The following CTXND2 variants were observed in gnomAD, a reference collection of about 807,000 sequenced individuals.
The protein encoded by CTXND2 is cortexin domain containing 2.
At chr1:150,902,235 A>T (rs1276717129) in intron 1 of CTXND2, among the ~76,000 whole-genome samples, 1 of 152,074 alleles carries the variant, frequency 6.6e-6, no homozygotes, top group African/African-American at 2.4e-5. Context: ...CCCCGTCTCT[A>T]CTAAAAATAT....
chr1:150,910,029 G>A (rs1304061719), intron 1 of CTXND2, among the ~76,000 whole-genome samples: 1 of 151,830 alleles, frequency 6.6e-6, no homozygotes, highest in Non-Finnish European at 1.5e-5. Context: ...TGAGAGGCCT[G>A]GTGGCCCTTT....
rs1418613132 is a variant in CTXND2, at chr1:150,898,931, A to AATAT, written c.-74+11633_-74+11636dup. Among the ~76,000 whole-genome samples the AATAT allele has an allele frequency of 7.2e-3, 999 of 139,082 alleles. 14 individuals carry two copies. The highest frequency in any genetic ancestry group is 0.025 in the African/African-American group (928 of 36,902). 91.2% of individuals were successfully genotyped at this position (139,082 alleles called of 152,430 possible). A position where few individuals can be genotyped will look rare whatever the true frequency, so the allele number is the denominator to read the frequency against. On this transcript the variant is annotated intron_variant, in intron 1 of 1. Coordinates refer to ENST00000636087, the Ensembl canonical transcript of CTXND2. ...TCTCTACTAAAAATACAAAAAAAAAAATATATATATATATATATTAGCTGG... is the reference window on the plus strand; with the variant it reads ...TCTCTACTAAAAATACAAAAAAAAAAATATATATATATATATATATATTAGCTGG...
chr1:150,902,547 G>A (rs186988768), intron 1 of CTXND2, among the ~76,000 whole-genome samples: 3 of 152,194 alleles, frequency 2.0e-5, no homozygotes, highest in South Asian at 2.1e-4. Context: ...CAGCCTGGCC[G>A]ACGGAAATGA....
At chr1:150,897,607 C>A (rs1000932089) in intron 1 of CTXND2, among the ~76,000 whole-genome samples, 31 of 152,312 alleles carry the variant, frequency 2.0e-4, no homozygotes, top group Non-Finnish European at 3.1e-4. Flanking sequence ...CAGGCATGAG[C>A]CACCACAGGC....
chr1:150,895,648 T>C (rs1668906866), intron 1 of CTXND2, among the ~76,000 whole-genome samples: 1 of 152,266 alleles, frequency 6.6e-6, no homozygotes. Context: ...CACCCGGCCA[T>C]GAAGAAGTCT....
intron 1 of CTXND2, among the ~76,000 whole-genome samples, chr1:150,888,332 G>C (rs1668802791): frequency 6.6e-6 from 1 of 151,170 alleles, no homozygotes; most frequent in Non-Finnish European, 1.5e-5. Context: ...TCCTGCCTCA[G>C]CCTCCCGAGT....
At chr1:150,908,873 C>T (rs957788206) in intron 1 of CTXND2, among the ~76,000 whole-genome samples, 1 of 152,044 alleles carries the variant, frequency 6.6e-6, no homozygotes, top group African/African-American at 2.4e-5. Context: ...ATCCTCCCAC[C>T]TCATCCTCCC....
intron 1 of CTXND2, among the ~76,000 whole-genome samples, chr1:150,908,790 T>TAAA (rs36116004): frequency 6.9e-6 from 1 of 144,912 alleles, no homozygotes; most frequent in African/African-American, 2.5e-5. Context: ...CCTAGCTAAT[T>TAAA]AAAAAAAAAA....
intron 1 of CTXND2, among the ~76,000 whole-genome samples, chr1:150,898,213 T>A (rs1036076194): frequency 6.6e-6 from 1 of 152,060 alleles, no homozygotes; most frequent in African/African-American, 2.4e-5. Flanking sequence ...ATGTGCTTTT[T>A]ATAGGTTTCT....
intron 1 of CTXND2, among the ~76,000 whole-genome samples, chr1:150,911,884 A>G (rs895900671): frequency 2.0e-5 from 3 of 152,236 alleles, no homozygotes; most frequent in Non-Finnish European, 4.4e-5. Context: ...ACTAGGTACA[A>G]TAAGTACTCT....
At chr1:150,913,215 A>G (rs181120456) in exon 2 of CTXND2, 1 of 152,312 alleles carries the variant, frequency 6.6e-6, no homozygotes, top group African/African-American at 2.4e-5. Context: ...GTACCCCAGT[A>G]TGGTCTTACT....
intron 1 of CTXND2, among the ~76,000 whole-genome samples, chr1:150,905,391 C>G (rs984086032): frequency 5.3e-5 from 8 of 151,998 alleles, no homozygotes; most frequent in Non-Finnish European, 1.0e-4. Flanking sequence ...TGATCCCCCC[C>G]AACCTCGGCC....
intron 1 of CTXND2, among the ~76,000 whole-genome samples, chr1:150,894,952 T>G (rs1346104332): frequency 6.6e-6 from 1 of 151,880 alleles, no homozygotes; most frequent in East Asian, 1.9e-4. Context: ...GGAGAATTGC[T>G]TGAACCAGGA....
intron 1 of CTXND2, among the ~76,000 whole-genome samples, chr1:150,909,214 G>C (rs916310206): frequency 6.7e-6 from 1 of 149,388 alleles, no homozygotes; most frequent in African/African-American, 2.5e-5. Flanking sequence ...CTCCAGCCTG[G>C]GCGACAGAGC....
intron 1 of CTXND2, among the ~76,000 whole-genome samples, chr1:150,894,075 G>A (rs1668885838): frequency 6.6e-6 from 1 of 151,938 alleles, no homozygotes; most frequent in African/African-American, 2.4e-5. Context: ...GTCTTGGCTA[G>A]TATTAAGTTT....
At chr1:150,912,023 C>T (rs902646425) in intron 1 of CTXND2, among the ~76,000 whole-genome samples, 34 of 152,176 alleles carry the variant, frequency 2.2e-4, no homozygotes, top group African/African-American at 7.5e-4. Context: ...CATTTGCTCA[C>T]GTTCTGCCTT....
At chr1:150,894,870 T>C (rs1251528225) in intron 1 of CTXND2, among the ~76,000 whole-genome samples, 4 of 151,968 alleles carry the variant, frequency 2.6e-5, no homozygotes, top group Admixed American at 1.3e-4. Flanking sequence ...ACCCCACCTC[T>C]ACTAAAAATA....
At chr1:150,895,599 C>T (rs1668906156) in intron 1 of CTXND2, among the ~76,000 whole-genome samples, 1 of 152,164 alleles carries the variant, frequency 6.6e-6, no homozygotes, top group South Asian at 2.1e-4. Context: ...CTGCCTCGAC[C>T]TCCCAAAGTG....
chr1:150,890,708 G>A (rs1324963626), intron 1 of CTXND2, among the ~76,000 whole-genome samples: 2 of 151,970 alleles, frequency 1.3e-5, no homozygotes, highest in Non-Finnish European at 2.9e-5. Flanking sequence ...TCTCCATGTT[G>A]GTTAGACTGG....
Sources: allele counts gnomAD v4.1 joint callset (sites outside exome capture counted in the v4.1 genomes callset), GRCh38; gene constraint gnomAD v4.1.1; transcripts MANE v1.5; gene names NCBI Gene and HGNC (gene_info 2026-07-23, HGNC 2026-07-21).